Variants in EVPL observed in about 807,000 individuals in gnomAD.
EVPL encodes the protein envoplakin.
A neutral mutation model predicts 129.7 loss-of-function variants in EVPL; 94 were observed. The ratio of observed to expected loss-of-function variants is 0.72; its 90% confidence interval spans 0.61 to 0.86. The LOEUF (loss-of-function observed/expected upper bound fraction) is 0.86. Ranked by LOEUF, EVPL falls within the 40% of genes least tolerant of loss-of-function variation. EVPL has a pLI of 0.00. For synonymous variants in EVPL, 1,172 were observed against 1,191.1 expected, an observed-to-expected ratio of 0.98 and a Z score of 0.33; for missense variants, 2,625 against 2,721.1, an observed-to-expected ratio of 0.96 and a Z score of 0.79.
Position 76,018,453 on chromosome 17 carries a change from C to T in EVPL, c.1432G>A (p.Ala478Thr), listed in dbSNP as rs1260445953. 1.2e-6 allele frequency: 2 copies of T among 1,611,662 alleles called. No homozygotes were observed. The highest frequency in any genetic ancestry group is 1.7e-6 in the Non-Finnish European group (2 of 1,179,530). Reference protein sequence around the residue: ...PAPDPDAVARASRLASELQAL... With the variant: ...PAPDPDAVARTSRLASELQAL... ...ATCCCTACACAGACCTACCGGGAGG[C>T]CCTGGCCACAGCATCAGGGTCTGGT... is the stretch of plus-strand genomic sequence containing the variant. The change falls in exon 12 of 22, where the codon GCC becomes ACC. Residue 478 changes from alanine to threonine, a missense_variant. This residue lies in a region of EVPL where 1,024 missense variants were observed against 997.5 expected (regional missense o/e 1.03). Transcript: ENST00000301607.
intron 1 of EVPL, 119 bp downstream of exon 1, chr17:76,026,982 G>A: frequency 1.7e-6 from 1 of 600,152 alleles, no homozygotes; most frequent in South Asian, 2.4e-5. Context: ...GACACCAAAT[G>A]CCAGCACGGG....
At position 76,018,444 on chromosome 17, in the gene EVPL, A is replaced by T. The variant is rs2066433385; in HGVS notation, c.1439+2T>A. The T allele has an allele frequency of 1.9e-6, 3 of 1,610,810 alleles. No homozygotes were observed. Among genetic ancestry groups the T allele is most frequent in the Non-Finnish European group, 1.7e-6 (2 of 1,179,198 alleles). On this transcript the variant is annotated splice_donor_variant, in intron 12 of 21. Transcript: ENST00000301607. LOFTEE classifies it high-confidence loss of function. ...CCCCTGAGTATCCCTACACAGACCT[A>T]CCGGGAGGCCCTGGCCACAGCATCA...
chr17:76,009,793 CCTT>C lies in EVPL; in HGVS notation c.3409_3411del (p.Lys1137del), dbSNP rs777362032. 6.2e-7 allele frequency: 1 copy of C among 1,613,978 alleles called. No homozygotes were observed. The highest frequency in any genetic ancestry group is 1.1e-5 in the South Asian group (1 of 91,078). On this transcript the variant is annotated inframe_deletion, in exon 22 of 22. Coordinates refer to ENST00000301607, the MANE Select transcript of EVPL (RefSeq NM_001988.4). This position sits in a 1 kb window ranked among gnomAD's most constrained non-coding sequence, Gnocchi z 5.9. ...GGGTCCTGCTCCACCTTCTTCACCT[CCTT>C]CACGATGACCTTGGGCTCCACCGAG...
chr17:76,007,916 G>A lies in EVPL; in HGVS notation c.5289C>T (p.Tyr1763=). The change falls in exon 22 of 22, where the codon TAC becomes TAT. Residue 1763 remains tyrosine (Y), a synonymous_variant. Coordinates refer to ENST00000301607, the MANE Select transcript of EVPL (RefSeq NM_001988.4). This position sits in a 1 kb window ranked among gnomAD's most constrained non-coding sequence, Gnocchi z 8.8. ...LRCRRISKEE[Y]HLYKDGHLPI... The stretch of plus-strand genomic sequence containing the variant: ...GCAGGTGGCCGTCCTTGTACAGATG[G>A]TACTCCTCCTTAGAGATGCGCCGGC... The A allele has an allele frequency of 6.2e-7, 1 of 1,614,090 alleles. No individual in the cohort carries two copies. Among genetic ancestry groups the A allele is most frequent in the South Asian group, 1.1e-5 (1 of 91,090 alleles).
intron 1 of EVPL, 33 bp downstream of exon 1, chr17:76,027,067 GT>G (rs773916504): frequency 7.8e-7 from 1 of 1,282,822 alleles, no homozygotes; most frequent in South Asian, 1.5e-5. Context: ...CCCCACCCCA[GT>G]TCCCCGGCTC....
At position 76,009,082 on chromosome 17, in the gene EVPL, C is replaced by T. The variant is rs1156856412; in HGVS notation, c.4123G>A (p.Val1375Met). Residue 1375 changes from valine (V) to methionine (M), a missense_variant, in exon 22 of 22, where the codon GTG (valine) becomes ATG (methionine). Around this residue, in one of 4 missense-constraint regions of EVPL, gnomAD observed 1,453 missense variants for 1,511.8 expected, o/e 0.96. Transcript: ENST00000301607. This position sits in a 1 kb window ranked among gnomAD's most constrained non-coding sequence, Gnocchi z 5.9. ...TTCGGGTCCTTCTGGGTGACCACCA[C>T]CTCCTGCACCACCACCTTCTCCTCG... ...KPEEKVVVQE[V>M]VVTQKDPKLR... The T allele has an allele frequency of 6.2e-7, 1 of 1,613,476 alleles. No homozygotes were observed. The highest frequency in any genetic ancestry group is 2.2e-5 in the East Asian group (1 of 44,850).
At position 76,007,200 on chromosome 17, in the gene EVPL, T is replaced by C; in HGVS notation, c.6005A>G (p.Lys2002Arg). The change falls in exon 22 of 22, where the codon AAA becomes AGA. Residue 2002 changes from lysine to arginine, a missense_variant. Transcript: ENST00000301607. The surrounding 1 kb of genome is among the most constrained non-coding windows in gnomAD (Gnocchi z 8.8). ...GAGCAGCAGGCCGCTCAGGGGGTCT[T>C]TGCGGCAGCGGCCCATGGCCTCCTT... ...SYKEAMGRCR[K>R]DPLSGLLLLP... 2 of 1,541,894 alleles carry C rather than the reference T, an allele frequency of 1.3e-6. No homozygotes were observed. Among genetic ancestry groups the C allele is most frequent in the Non-Finnish European group, 1.8e-6 (2 of 1,141,894 alleles).
At chr17:76,019,473 G>A in intron 10 of EVPL, 55 bp downstream of exon 10, 1 of 1,507,440 alleles carries the variant, frequency 6.6e-7, no homozygotes, top group Admixed American at 2.4e-5. Flanking sequence ...CCAGAAAAAT[G>A]GACAGGACCA....
At chr17:76,020,881 T>C (rs995881568) in intron 9 of EVPL, among the ~76,000 whole-genome samples, 1 of 151,886 alleles carries the variant, frequency 6.6e-6, no homozygotes, top group Non-Finnish European at 1.5e-5. Context: ...ATACCACAGA[T>C]ATGCTGTATA....
intron 16 of EVPL, 51 bp downstream of exon 16, chr17:76,015,176 C>T (rs1243026815): frequency 6.4e-7 from 1 of 1,559,912 alleles, no homozygotes; most frequent in Non-Finnish European, 8.7e-7. Flanking sequence ...ACCCACCCGC[C>T]CCTGAATGCT....
intron 21 of EVPL, 108 bp downstream of exon 21, chr17:76,011,468 A>T: frequency 1.0e-6 from 1 of 971,046 alleles, no homozygotes; most frequent in Non-Finnish European, 1.6e-6. Flanking sequence ...CAGGAGGGAG[A>T]GGAGGGAAGG....
At chr17:76,017,619 C>G in intron 14 of EVPL, 120 bp downstream of exon 14, 1 of 1,400,118 alleles carries the variant, frequency 7.1e-7, no homozygotes, top group Non-Finnish European at 9.6e-7. Flanking sequence ...CGGGTCTGTC[C>G]ACACCCTTCT....
chr17:76,015,324 G>C lies in EVPL; in HGVS notation c.1931C>G (p.Ala644Gly), dbSNP rs746736274. Residue 644 changes from alanine (A) to glycine (G), a missense_variant, in exon 16 of 22, where the codon GCG becomes GGG. Around this residue, in one of 4 missense-constraint regions of EVPL, gnomAD observed 1,024 missense variants for 997.5 expected, o/e 1.03. Transcript: ENST00000301607. ...CTCGAAGCCTCGGATGACCCTGTCC[G>C]CATCCTGGATCTGCCGCTCCAGATC... The part of the protein sequence containing the change: ...ALDLERQIQD[A>G]DRVIRGFEAT... 1 of 1,603,034 alleles carries C rather than the reference G, an allele frequency of 6.2e-7. No individual in the cohort carries two copies. Among genetic ancestry groups the C allele is most frequent in the Non-Finnish European group, 8.5e-7 (1 of 1,178,846 alleles).
At chr17:76,021,819 C>T (rs779079157) in intron 7 of EVPL, 38 bp from the exon 8 acceptor site, 86 of 1,570,226 alleles carry the variant, frequency 5.5e-5, no homozygotes, top group Non-Finnish European at 6.9e-5. Flanking sequence ...GGTGAGGACC[C>T]GGATGGCCCT....
rs759446757 is a variant in EVPL, at chr17:76,021,884, C to T, written c.790G>A (p.Val264Met). Residue 264 changes from valine (V) to methionine (M), a missense_variant, in exon 7 of 22, where the codon GTG becomes ATG. Around this residue, in one of 4 missense-constraint regions of EVPL, gnomAD observed 1,024 missense variants for 997.5 expected, o/e 1.03. Coordinates refer to ENST00000301607, the MANE Select transcript of EVPL (RefSeq NM_001988.4). Reference sequence around the variant, plus strand: ...CAGCCGACCTCGTACTCCCGCCGCACGCCCGCAGGGTCGGCCATGAGGTCG... The same window carrying T: ...CAGCCGACCTCGTACTCCCGCCGCATGCCCGCAGGGTCGGCCATGAGGTCG... ...WSDLMADPAG[V>M]RREYEHFKQH... 5 of 1,559,650 alleles carry T rather than the reference C, an allele frequency of 3.2e-6. No individual in the cohort carries two copies. Among genetic ancestry groups the T allele is most frequent in the Non-Finnish European group, 4.3e-6 (5 of 1,159,942 alleles).
In EVPL at chr17:76,015,475, C is replaced by A. The variant is rs1442912381; in HGVS notation, c.1864G>T (p.Val622Phe). ...TTCTCCCCGTAGAGGCTGCACAGAA[C>A]CTGCACGTCACTGAACTTGTTCTTC... Reference protein sequence around the residue: ...SVKNKFSDVQVLCSLYGEKAK... With the variant: ...SVKNKFSDVQFLCSLYGEKAK... The change falls in exon 15 of 22, where the codon GTT (valine) becomes TTT (phenylalanine). Residue 622 changes from valine (V) to phenylalanine (F), a missense_variant. This residue lies in a region of EVPL where 1,024 missense variants were observed against 997.5 expected (regional missense o/e 1.03). Transcript: ENST00000301607. The A allele has an allele frequency of 1.2e-6, 2 of 1,613,346 alleles. No individual in the cohort carries two copies. The highest frequency in any genetic ancestry group is 1.6e-4 in the Middle Eastern group (1 of 6,062).
rs2290250 is a variant in EVPL, at chr17:76,018,947, G to A, written c.1251C>T (p.His417=). The A allele has an allele frequency of 2.9e-3, 4,462 of 1,554,116 alleles. 184 individuals carry two copies. In the East Asian group the frequency reaches 0.078, roughly 27 times the overall value. The part of the protein sequence containing the change: ...QRRNPPQQPL[H]VDSICDWDSG... ...AGTCCCAGTCGCAGATGCTGTCCAC[G>A]TGCAGGGGCTGCTGAGGGGGGTTTC... Residue 417 remains histidine, a synonymous_variant, in exon 11 of 22, where the codon CAC becomes CAT. Transcript: ENST00000301607.
At chr17:76,017,713 G>T (rs1162986116) in intron 14 of EVPL, 26 bp downstream of exon 14, 6 of 1,602,408 alleles carry the variant, frequency 3.7e-6, no homozygotes, top group Non-Finnish European at 5.1e-6. Flanking sequence ...TCTCATCCCA[G>T]CCGCCCCTTC....
At chr17:76,018,893 G>A in intron 11 of EVPL, 21 bp downstream of exon 11, 2 of 1,511,886 alleles carry the variant, frequency 1.3e-6, no homozygotes, top group African/African-American at 1.4e-5. Flanking sequence ...GGTGGCAGGG[G>A]TGAGGTGGGG....
Sources: allele counts gnomAD v4.1 joint callset (sites outside exome capture counted in the v4.1 genomes callset), GRCh38; gene constraint gnomAD v4.1.1; regional missense constraint gnomAD v4.1.1; non-coding constraint Gnocchi (gnomAD v3.1); transcripts MANE v1.5; gene names NCBI Gene and HGNC (gene_info 2026-07-23, HGNC 2026-07-21).